Variants in NBAS observed in about 807,000 individuals in gnomAD.
NBAS encodes the protein NAG/BC035112 fusion.
NBAS carries 219 observed loss-of-function variants against 302.5 expected under a neutral mutation model. The observed-to-expected ratio is 0.72, with a 90% CI of 0.65 to 0.81. The LOEUF (loss-of-function observed/expected upper bound fraction) is 0.81, where lower values mean the gene tolerates loss of function less well. Among genes scored for constraint, NBAS ranks in the 30% least tolerant of loss-of-function variants. The pLI, the probability that NBAS is intolerant of heterozygous loss-of-function variation, is 0.00. For synonymous variants in NBAS, 1,118 were observed against 1,021.6 expected (o/e 1.09, Z -1.80); for missense variants, 2,932 against 2,841.6 (o/e 1.03, Z -0.72).
At chr2:15,362,688 T>A (rs1673995090) in intron 32 of NBAS, among the ~76,000 whole-genome samples, 1 of 152,148 alleles carries the variant, frequency 6.6e-6, no homozygotes, top group African/African-American at 2.4e-5. Context: ...AACATTGAAA[T>A]GTTTGCATTT....
At chr2:15,032,843 G>T in the NBAS span, among the ~76,000 whole-genome samples, 1 of 150,446 alleles carries the variant, frequency 6.6e-6, no homozygotes, top group African/African-American at 2.5e-5. Flanking sequence ...TGGCACAGCA[G>T]AGCTATTTGG....
At chr2:15,248,107 C>G (rs1183255351) in intron 44 of NBAS, among the ~76,000 whole-genome samples, 1 of 152,202 alleles carries the variant, frequency 6.6e-6, no homozygotes, top group Non-Finnish European at 1.5e-5. Flanking sequence ...AACAGTCTCT[C>G]AGGCCACAGT....
At chr2:15,365,316 C>T (rs1486495563) in intron 32 of NBAS, among the ~76,000 whole-genome samples, 1 of 152,222 alleles carries the variant, frequency 6.6e-6, no homozygotes, top group Non-Finnish European at 1.5e-5. Flanking sequence ...GATGGCACCT[C>T]TGAGCTGCTT....
chr2:15,219,980 G>A (rs1402084082), intron 47 of NBAS, among the ~76,000 whole-genome samples: 20 of 150,598 alleles, frequency 1.3e-4, no homozygotes, highest in African/African-American at 4.6e-4. Flanking sequence ...AGGGGCGGCC[G>A]GGCAGAGGCG....
At chr2:15,028,456 A>G in the NBAS span, among the ~76,000 whole-genome samples, 1 of 152,262 alleles carries the variant, frequency 6.6e-6, no homozygotes, top group Non-Finnish European at 1.5e-5. Context: ...AAAATCTGAT[A>G]AAGCTAGGGC....
intron 36 of NBAS, 139 bp downstream of exon 36, chr2:15,330,459 T>A (rs1672275105): frequency 9.2e-7 from 1 of 1,085,292 alleles, no homozygotes; most frequent in Admixed American, 2.2e-5. Flanking sequence ...CCCTATCTGA[T>A]GAGAGGCCTA....
At chr2:14,970,503 A>G in the NBAS span, among the ~76,000 whole-genome samples, 1 of 152,228 alleles carries the variant, frequency 6.6e-6, no homozygotes, top group South Asian at 2.1e-4. Context: ...CCTGAAGGAA[A>G]CAGACACGCC....
intron 48 of NBAS, among the ~76,000 whole-genome samples, chr2:15,192,235 T>G: frequency 1.1e-5 from 1 of 92,116 alleles, no homozygotes; most frequent in South Asian, 4.7e-4. Flanking sequence ...GAAGAGGCTA[T>G]TTTTTTTTTT....
the NBAS span, among the ~76,000 whole-genome samples, chr2:14,959,858 C>T: frequency 1.4e-4 from 21 of 152,154 alleles, no homozygotes; most frequent in Admixed American, 4.6e-4. Context: ...CTGTTACCTT[C>T]GATTTTTATC....
intron 27 of NBAS, 111 bp from the exon 28 acceptor site, chr2:15,394,460 C>G (rs1016458632): frequency 8.8e-7 from 1 of 1,136,312 alleles, no homozygotes; most frequent in Admixed American, 2.1e-5. Context: ...AAAATTATCC[C>G]ATAGTGTAAT....
intron 11 of NBAS, among the ~76,000 whole-genome samples, chr2:15,494,847 C>T (rs1371052459): frequency 6.6e-6 from 1 of 152,144 alleles, no homozygotes; most frequent in Admixed American, 6.5e-5. Flanking sequence ...TGATGTGCAC[C>T]TCCACTTGAA....
chr2:14,890,455 T>A, the NBAS span: 1 of 152,212 alleles, frequency 6.6e-6, no homozygotes, highest in Non-Finnish European at 1.5e-5. Context: ...TCTTTACTGA[T>A]AAGGGTATTA....
the NBAS span, among the ~76,000 whole-genome samples, chr2:14,983,939 C>T: frequency 1.3e-5 from 2 of 152,102 alleles, no homozygotes; most frequent in African/African-American, 4.8e-5. Flanking sequence ...TGTCAGAATC[C>T]GCGATTCATT....
At chr2:15,217,053 T>C (rs2147878872) in intron 48 of NBAS, among the ~76,000 whole-genome samples, 1 of 152,362 alleles carries the variant, frequency 6.6e-6, no homozygotes, top group East Asian at 1.9e-4. Flanking sequence ...ACCTTCATGT[T>C]TGCTGAAAAC....
the NBAS span, among the ~76,000 whole-genome samples, chr2:14,847,584 T>C: frequency 6.6e-6 from 1 of 150,706 alleles, no homozygotes; most frequent in Non-Finnish European, 1.5e-5. Flanking sequence ...AGCAAGAAGA[T>C]ATAACAATTT....
At chr2:14,876,812 G>GTCTCTGTAA in the NBAS span, among the ~76,000 whole-genome samples, 4 of 152,260 alleles carry the variant, frequency 2.6e-5, no homozygotes, top group African/African-American at 9.6e-5. Flanking sequence ...TGTAGGACAG[G>GTCTCTGTAA]GCCTCCCGGC....
At chr2:15,215,344 G>A (rs2147874438) in intron 48 of NBAS, among the ~76,000 whole-genome samples, 1 of 152,308 alleles carries the variant, frequency 6.6e-6, no homozygotes, top group Non-Finnish European at 1.5e-5. Flanking sequence ...GTTTAATTTT[G>A]CAGGAGCTGG....
At chr2:14,956,763 A>G in the NBAS span, among the ~76,000 whole-genome samples, 2 of 152,102 alleles carry the variant, frequency 1.3e-5, no homozygotes, top group Non-Finnish European at 2.9e-5. Context: ...ACCCCCCAAG[A>G]TTCAATTATC....
the NBAS span, among the ~76,000 whole-genome samples, chr2:14,839,837 A>G: frequency 6.6e-6 from 1 of 152,102 alleles, no homozygotes; most frequent in African/African-American, 2.4e-5. Context: ...AAAGAAGACT[A>G]GAATAAATAC....
Sources: allele counts gnomAD v4.1 joint callset (sites outside exome capture counted in the v4.1 genomes callset), GRCh38; gene constraint gnomAD v4.1.1; transcripts MANE v1.5; gene names NCBI Gene and HGNC (gene_info 2026-07-23, HGNC 2026-07-21).